PAPSS1: variants seen among roughly 807,000 people sequenced by gnomAD.
PAPSS1 encodes the protein 3'-phosphoadenosine 5'-phosphosulfate synthase 1.
PAPSS1 carries 50 observed loss-of-function variants against 72.0 expected under a neutral mutation model. The ratio of observed to expected loss-of-function variants is 0.69; its 90% CI spans 0.55 to 0.88. PAPSS1 has a LOEUF of 0.88. Ranked by LOEUF, PAPSS1 falls within the 40% of genes least tolerant of loss-of-function variation. The pLI is 0.00. For missense variants in PAPSS1, 657 were observed against 782.2 expected (o/e 0.84, Z 1.91); for synonymous variants, 261 against 263.6 (o/e 0.99, Z 0.09).
intron 4 of PAPSS1, among the ~76,000 whole-genome samples, chr4:107,686,657 C>A (rs1443978093): frequency 6.6e-6 from 1 of 152,212 alleles, no homozygotes; most frequent in Non-Finnish European, 1.5e-5. Context: ...CATCAAGATG[C>A]TTATAATTCA....
chr4:107,650,952 C>G (rs1726823125), intron 9 of PAPSS1, among the ~76,000 whole-genome samples: 3 of 152,128 alleles, frequency 2.0e-5, no homozygotes, highest in African/African-American at 7.2e-5. Flanking sequence ...TGACTTAATG[C>G]ATTGACCCTT....
intron 9 of PAPSS1, among the ~76,000 whole-genome samples, chr4:107,646,688 C>T (rs1168589915): frequency 6.6e-6 from 1 of 152,104 alleles, no homozygotes; most frequent in Non-Finnish European, 1.5e-5. Flanking sequence ...CAGGCACCGC[C>T]CTCCCCGTCA....
intron 5 of PAPSS1, among the ~76,000 whole-genome samples, chr4:107,674,329 T>C (rs1255740108): frequency 1.3e-5 from 2 of 152,020 alleles, no homozygotes; most frequent in Non-Finnish European, 2.9e-5. Flanking sequence ...AATAAAGGGA[T>C]GGAGGAAGAT....
intron 1 of PAPSS1, among the ~76,000 whole-genome samples, chr4:107,705,000 G>A (rs1406546440): frequency 6.6e-6 from 1 of 151,728 alleles, no homozygotes; most frequent in Non-Finnish European, 1.5e-5. Context: ...TTGCATCCCT[G>A]AAATAAATCC....
At chr4:107,646,100 T>C (rs768298496) in intron 9 of PAPSS1, among the ~76,000 whole-genome samples, 2 of 152,096 alleles carry the variant, frequency 1.3e-5, no homozygotes, top group Non-Finnish European at 2.9e-5. Context: ...ACAAAGGAAA[T>C]AGCTGATATG....
At chr4:107,687,846 A>T (rs1021207879) in intron 3 of PAPSS1, among the ~76,000 whole-genome samples, 2 of 152,050 alleles carry the variant, frequency 1.3e-5, no homozygotes, top group East Asian at 3.9e-4. Context: ...AATATTTTCA[A>T]AGCTGGTCCC....
At chr4:107,639,962 T>C (rs1160225409) in intron 10 of PAPSS1, among the ~76,000 whole-genome samples, 1 of 152,196 alleles carries the variant, frequency 6.6e-6, no homozygotes, top group Non-Finnish European at 1.5e-5. Context: ...TGGGTAATTT[T>C]CATAGCAAAG....
chr4:107,719,900 C>T, intron 1 of PAPSS1: 1 of 1,357,996 alleles, frequency 7.4e-7, no homozygotes, highest in Non-Finnish European at 9.4e-7. Flanking sequence ...GCTCGGACCG[C>T]ACGCTGCGCC....
intron 10 of PAPSS1, 110 bp downstream of exon 10, chr4:107,644,692 G>T: frequency 2.0e-6 from 2 of 1,000,996 alleles, no homozygotes; most frequent in Non-Finnish European, 2.8e-6. Flanking sequence ...TATAACAAAT[G>T]TTTGGAACAG....
chr4:107,662,146 C>T (rs769940399), intron 5 of PAPSS1, among the ~76,000 whole-genome samples: 5 of 152,032 alleles, frequency 3.3e-5, no homozygotes, highest in Non-Finnish European at 5.9e-5. Flanking sequence ...AAATAAACAC[C>T]GCTAGCTACA....
intron 11 of PAPSS1, among the ~76,000 whole-genome samples, chr4:107,620,765 T>C (rs1725933910): frequency 6.6e-6 from 1 of 152,142 alleles, no homozygotes; most frequent in Admixed American, 6.5e-5. Flanking sequence ...ACCCTGCTAA[T>C]GGGTATATTA....
intron 1 of PAPSS1, among the ~76,000 whole-genome samples, chr4:107,704,545 GTTT>G (rs1386894396): frequency 6.6e-6 from 1 of 152,116 alleles, no homozygotes; most frequent in Non-Finnish European, 1.5e-5. Flanking sequence ...TTTGTTGAGA[GTTT>G]TTATCATAAA....
intron 11 of PAPSS1, among the ~76,000 whole-genome samples, chr4:107,622,425 T>C (rs1725989188): frequency 6.6e-6 from 1 of 152,232 alleles, no homozygotes; most frequent in South Asian, 2.1e-4. Flanking sequence ...AATGGTGTCT[T>C]ATCTATCATT....
At chr4:107,698,744 C>T (rs1723135732) in intron 2 of PAPSS1, among the ~76,000 whole-genome samples, 2 of 152,126 alleles carry the variant, frequency 1.3e-5, no homozygotes, top group African/African-American at 4.8e-5. Flanking sequence ...ATAGGGAGGG[C>T]CCCACAACAT....
chr4:107,710,551 G>C (rs1723464015), intron 1 of PAPSS1, among the ~76,000 whole-genome samples: 1 of 152,114 alleles, frequency 6.6e-6, no homozygotes, highest in African/African-American at 2.4e-5. Flanking sequence ...GCAGATAGCT[G>C]AAAGAACACT....
At chr4:107,708,625 G>A (rs1723403167) in intron 1 of PAPSS1, among the ~76,000 whole-genome samples, 1 of 152,192 alleles carries the variant, frequency 6.6e-6, no homozygotes, top group South Asian at 2.1e-4. Context: ...GAATATGGCT[G>A]AGAAAAAATA....
At chr4:107,630,040 C>G (rs898416001) in intron 11 of PAPSS1, among the ~76,000 whole-genome samples, 1 of 152,070 alleles carries the variant, frequency 6.6e-6, no homozygotes, top group African/African-American at 2.4e-5. Context: ...TAAGGGGCAC[C>G]CATTTTTCTT....
At chr4:107,677,967 A>T (rs1266945907) in intron 5 of PAPSS1, among the ~76,000 whole-genome samples, 2 of 152,204 alleles carry the variant, frequency 1.3e-5, no homozygotes, top group African/African-American at 4.8e-5. Flanking sequence ...GTTCTCACTC[A>T]TAGGTGGGAA....
chr4:107,620,296 C>T (rs1725922940), intron 11 of PAPSS1, among the ~76,000 whole-genome samples: 1 of 152,148 alleles, frequency 6.6e-6, no homozygotes, highest in African/African-American at 2.4e-5. Context: ...ACATAGTATA[C>T]ATCAAAACAT....
Sources: allele counts gnomAD v4.1 joint callset (sites outside exome capture counted in the v4.1 genomes callset), GRCh38; gene constraint gnomAD v4.1.1; transcripts MANE v1.5; gene names NCBI Gene and HGNC (gene_info 2026-07-23, HGNC 2026-07-21).